Variants in ABI3BP observed in about 807,000 individuals in gnomAD.
ABI3BP encodes target of Nesh-SH3.
ABI3BP carries 216 observed loss-of-function variants against 268.6 expected under a neutral mutation model. The ratio of observed to expected loss-of-function variants is 0.80; its 90% CI spans 0.72 to 0.90. The LOEUF is 0.90. Among genes scored for constraint, ABI3BP ranks in the 40% least tolerant of loss-of-function variants. The pLI, the probability that ABI3BP is intolerant of heterozygous loss-of-function variation, is 0.00. For missense variants in ABI3BP, 2,090 were observed against 2,182.4 expected, an observed-to-expected ratio of 0.96 and a Z score of 0.84; for synonymous variants, 730 against 730.0, an observed-to-expected ratio of 1.00 and a Z score of 0.00.
chr3:100,908,561 T>G (rs2054654791), intron 2 of ABI3BP, among the ~76,000 whole-genome samples: 1 of 150,536 alleles, frequency 6.6e-6, no homozygotes, highest in African/African-American at 2.5e-5. Context: ...CAGCAAAGTC[T>G]CAGGATACAA....
chr3:100,873,881 G>A (rs1390751921), intron 9 of ABI3BP, among the ~76,000 whole-genome samples: 4 of 152,198 alleles, frequency 2.6e-5, no homozygotes, highest in Non-Finnish European at 4.4e-5. Flanking sequence ...TGGCCAAACA[G>A]GGGCTTGGGC....
rs1484925611 is a variant in ABI3BP, at chr3:100,874,446, C to A, written c.910+395G>T. On this transcript the variant is annotated intron_variant, in intron 9 of 67. Transcript: ENST00000471714. Reference sequence around the variant, plus strand: ...CATAACCAGTTCTAGAAATAGGAAGCAATATCAATCTCAAGTAAATAATAA... The same window carrying A: ...CATAACCAGTTCTAGAAATAGGAAGAAATATCAATCTCAAGTAAATAATAA... Among the ~76,000 whole-genome samples the A allele has an allele frequency of 2.0e-5, 3 of 152,064 alleles. No homozygotes were observed. The East Asian group carries it at 5.8e-4, about 29-fold the overall frequency.
chr3:100,777,981 C>T (rs1308842258), intron 59 of ABI3BP, among the ~76,000 whole-genome samples: 2 of 152,202 alleles, frequency 1.3e-5, no homozygotes, highest in African/African-American at 4.8e-5. Flanking sequence ...TGGCAATGTA[C>T]AGCATCTTGT....
chr3:100,858,348 C>T (rs62277101), intron 14 of ABI3BP, among the ~76,000 whole-genome samples: 51,476 of 151,920 alleles, frequency 0.34, 9,093 homozygotes, highest in African/African-American at 0.42. Context: ...CAGATCAGGA[C>T]AAATAGGCTG....
At chr3:100,848,970 G>T in intron 17 of ABI3BP, 95 bp from the exon 18 acceptor site, 1 of 944,230 alleles carries the variant, frequency 1.1e-6, no homozygotes, top group Non-Finnish European at 1.7e-6. Context: ...TACAAGAACT[G>T]CTTTATATTT....
At chr3:100,804,917 T>A in intron 50 of ABI3BP, 51 bp from the exon 51 acceptor site, 1 of 1,452,416 alleles carries the variant, frequency 6.9e-7, no homozygotes, top group Non-Finnish European at 9.7e-7. Context: ...CATCTTCCAG[T>A]CATGCTTAAA....
intron 40 of ABI3BP, among the ~76,000 whole-genome samples, chr3:100,818,881 A>G (rs2098128044): frequency 6.6e-6 from 1 of 152,208 alleles, no homozygotes; most frequent in Admixed American, 6.5e-5. Flanking sequence ...ACATTTTGCC[A>G]AATATATACT....
In ABI3BP at chr3:100,785,666, A is replaced by G. The variant is rs1031402316; in HGVS notation, c.4162+2062T>C. ...TGCTGTACTCTCCATCTTAGGAGAA[A>G]AGTGTTTAGTCTTTCACCATTAAGT... On this transcript the variant is annotated intron_variant, in intron 57 of 67. Transcript: ENST00000471714. Among the ~76,000 whole-genome samples, 5 of 152,148 alleles carry G rather than the reference A, an allele frequency of 3.3e-5. No individual in the cohort carries two copies. The East Asian group carries it at 9.6e-4, about 29-fold the overall frequency.
At chr3:100,906,461 A>C (rs570709909) in intron 2 of ABI3BP, among the ~76,000 whole-genome samples, 8 of 152,310 alleles carry the variant, frequency 5.3e-5, no homozygotes, top group African/African-American at 1.9e-4. Context: ...AAGACTCAAG[A>C]GTAGGATTTC....
chr3:100,762,209 G>A (rs1283221918), intron 63 of ABI3BP, among the ~76,000 whole-genome samples: 1 of 151,940 alleles, frequency 6.6e-6, no homozygotes, highest in Admixed American at 6.6e-5. Context: ...ATCATGGTTG[G>A]GTAGAAGAAA....
Position 100,902,656 on chromosome 3 carries a change from C to A in ABI3BP, c.290G>T (p.Arg97Leu), listed in dbSNP as rs767968797. 6.2e-7 allele frequency: 1 copy of A among 1,613,726 alleles called. No individual in the cohort carries two copies. The highest frequency in any genetic ancestry group is 8.5e-7 in the Non-Finnish European group (1 of 1,179,850). Residue 97 changes from arginine to leucine, a missense_variant, in exon 3 of 68, where the codon CGA becomes CTA. Physicochemically the swap from Arg to Leu is moderately radical, Grantham distance 102. Coordinates refer to ENST00000471714, the MANE Select transcript of ABI3BP (RefSeq NM_001375547.2). Reference sequence around the variant, plus strand: ...CTTTTGACTTGGAGGTGGAGCAGGTCGCACAACTATCAGATATTTCGGCTC... The same window carrying A: ...CTTTTGACTTGGAGGTGGAGCAGGTAGCACAACTATCAGATATTTCGGCTC... ...DAEPKYLIVV[R>L]PAPPPSQKKS...
In ABI3BP at chr3:100,821,062, G is replaced by T; in HGVS notation, c.2939C>A (p.Thr980Lys). 6.5e-7 allele frequency: 1 copy of T among 1,535,736 alleles called. No individual in the cohort carries two copies. The highest frequency in any genetic ancestry group is 8.7e-7 in the Non-Finnish European group (1 of 1,146,576). The change falls in exon 39 of 68, where the codon ACA becomes AAA. Residue 980 changes from threonine to lysine, a missense_variant. By Grantham distance (78) the Thr-to-Lys change is moderately conservative. Coordinates refer to ENST00000471714, the MANE Select transcript of ABI3BP (RefSeq NM_001375547.2). ...TTGCAACGTGCTATTACCTTGTGTT[G>T]TCACCCAAGTCTCAGTTCTGAGTGT... is the stretch of plus-strand genomic sequence containing the variant. ...PVTLRTETWV[T>K]TQAPKTSQRT...
intron 65 of ABI3BP, among the ~76,000 whole-genome samples, chr3:100,753,540 C>T (rs1348279196): frequency 6.6e-6 from 1 of 152,124 alleles, no homozygotes; most frequent in South Asian, 2.1e-4. Flanking sequence ...AATCCTCCCA[C>T]CTCAGCCTCT....
At chr3:100,894,966 A>AAAAAAAAAAAAAAAAAAAAAAC (rs1561385846) in intron 4 of ABI3BP, among the ~76,000 whole-genome samples, 1 of 138,614 alleles carries the variant, frequency 7.2e-6, no homozygotes, top group Non-Finnish European at 1.6e-5. Flanking sequence ...AAAAAAAAAA[A>AAAAAAAAAAAAAAAAAAAAAAC]ACAGAAAAAA....
In ABI3BP at chr3:100,840,048, T is replaced by C. The variant is rs1264981708; in HGVS notation, c.1897+24A>G. ...TGCCATATTCCACTTTCTATGTTAA[T>C]TGGAACCTGAATATCACATTTACCG... On this transcript the variant is annotated intron_variant, in intron 23 of 67. Coordinates refer to ENST00000471714, the MANE Select transcript of ABI3BP (RefSeq NM_001375547.2). The C allele has an allele frequency of 2.0e-6, 3 of 1,522,752 alleles. 1 individual carries two copies. The highest frequency in any genetic ancestry group is 2.4e-5 in the South Asian group (2 of 83,712). 94.3% of individuals were successfully genotyped at this position (1,522,752 alleles called of 1,614,324 possible). A position where few individuals can be genotyped will look rare whatever the true frequency, so the allele number is the denominator to read the frequency against.
chr3:100,835,486 C>A (rs2098560694), intron 28 of ABI3BP, 115 bp downstream of exon 28: 2 of 767,612 alleles, frequency 2.6e-6, no homozygotes, highest in East Asian at 5.7e-5. Flanking sequence ...AGTTCAATGA[C>A]AAGAGGATGA....
At chr3:100,934,757 T>C (rs1368885797) in intron 1 of ABI3BP, among the ~76,000 whole-genome samples, 1 of 152,052 alleles carries the variant, frequency 6.6e-6, no homozygotes, top group Non-Finnish European at 1.5e-5. Flanking sequence ...TTTTTTCATA[T>C]GTTTGTTGGC....
intron 21 of ABI3BP, 83 bp downstream of exon 21, chr3:100,841,915 A>C: frequency 1.6e-6 from 2 of 1,212,452 alleles, no homozygotes; most frequent in Non-Finnish European, 1.1e-6. Context: ...AAAAAAAAAA[A>C]ACAAAACCCA....
In ABI3BP at chr3:100,935,015, C is replaced by T. The variant is rs1220092069; in HGVS notation, c.80-8534G>A. ...GATTTCTCTATTCTGGCTTTTGTTG[C>T]CATTGCTTTTGGTGTTTTAGTCATG... On this transcript the variant is annotated intron_variant, in intron 1 of 67. Transcript: ENST00000471714. 2.0e-5 allele frequency among the ~76,000 whole-genome samples: 3 copies of T among 151,258 alleles called. No homozygotes were observed. The East Asian group carries it at 5.9e-4, about 29-fold the overall frequency.
Sources: allele counts gnomAD v4.1 joint callset (sites outside exome capture counted in the v4.1 genomes callset), GRCh38; gene constraint gnomAD v4.1.1; transcripts MANE v1.5; gene names NCBI Gene and HGNC (gene_info 2026-07-23, HGNC 2026-07-21).